Variants in MYO6 observed in about 807,000 individuals in gnomAD.
MYO6 encodes myosin VI.
MYO6 carries 74 observed loss-of-function variants against 178.7 expected under a neutral mutation model. That is an observed-to-expected ratio of 0.41 (90% CI 0.34 to 0.50). The LOEUF (loss-of-function observed/expected upper bound fraction) is 0.50, where lower values mean the gene tolerates loss of function less well. MYO6 is among the 20% of genes least tolerant of loss of function. The pLI is 0.09. For missense variants in MYO6, 1,330 were observed against 1,547.4 expected, an observed-to-expected ratio of 0.86 and a Z score of 2.36; for synonymous variants, 477 against 504.6, an observed-to-expected ratio of 0.95 and a Z score of 0.73.
rs1255371228 is a variant in MYO6 at position 75,784,064 on chromosome 6, C to T, written c.-47-33437C>T. 2.6e-5 allele frequency among the ~76,000 whole-genome samples: 4 copies of T among 152,028 alleles called. 1 individual carries two copies. Among genetic ancestry groups the T allele is most frequent in the Admixed American group, 2.0e-4 (3 of 15,250 alleles). ...TCCGCTCCCTACAACCTGTGCTTCCCGGGTTCAAGTTATTCTCCTGCCTCA... is the reference window on the plus strand; with the variant it reads ...TCCGCTCCCTACAACCTGTGCTTCCTGGGTTCAAGTTATTCTCCTGCCTCA... On this transcript the variant is annotated intron_variant, in intron 1 of 34. Transcript: ENST00000369977.
intron 6 of MYO6, among the ~76,000 whole-genome samples, chr6:75,834,748 ATATG>A (rs75212918): frequency 0.23 from 34,471 of 151,946 alleles, 5,059 homozygotes; most frequent in Middle Eastern, 0.38. Flanking sequence ...CATTATGTAA[ATATG>A]TATGCTGTTC....
At chr6:75,875,888 T>C (rs1306915984) in intron 20 of MYO6, among the ~76,000 whole-genome samples, 1 of 152,212 alleles carries the variant, frequency 6.6e-6, no homozygotes, top group Non-Finnish European at 1.5e-5. Flanking sequence ...ATCATGTCCT[T>C]TTACTGCTTA....
intron 1 of MYO6, among the ~76,000 whole-genome samples, chr6:75,808,363 C>T (rs1004270468): frequency 3.3e-5 from 5 of 152,244 alleles, no homozygotes; most frequent in South Asian, 2.1e-4. Flanking sequence ...TGCATGTACT[C>T]GGACAGAGAT....
chr6:75,779,544 TGCA>T (rs1425009152), intron 1 of MYO6, among the ~76,000 whole-genome samples: 1 of 152,142 alleles, frequency 6.6e-6, no homozygotes, highest in African/African-American at 2.4e-5. Flanking sequence ...TTTAAAAAAA[TGCA>T]TTTTGAGACA....
rs150338576 is a variant in MYO6 at position 75,804,879 on chromosome 6, T to TACAC, written c.-47-12612_-47-12609dup. On this transcript the variant is annotated intron_variant, in intron 1 of 34. Transcript: ENST00000369977. ...ACACATATATATGCGCATATATATA[T>TACAC]ACACACACACACATATATATACATA... Among the ~76,000 whole-genome samples, 41 of 146,820 alleles carry TACAC rather than the reference T, an allele frequency of 2.8e-4. 1 individual carries two copies. The highest frequency in any genetic ancestry group is 1.2e-3 in the Admixed American group (18 of 14,626).
chr6:75,879,026 G>A (rs1777793184), intron 20 of MYO6, among the ~76,000 whole-genome samples: 1 of 152,202 alleles, frequency 6.6e-6, no homozygotes, highest in African/African-American at 2.4e-5. Flanking sequence ...TCTTTATAGT[G>A]AAACAGTGAG....
chr6:75,759,272 C>T (rs1354871287), intron 1 of MYO6, among the ~76,000 whole-genome samples: 1 of 152,142 alleles, frequency 6.6e-6, no homozygotes, highest in Non-Finnish European at 1.5e-5. Context: ...CATTGTTAGT[C>T]ATATCAGGCA....
intron 1 of MYO6, among the ~76,000 whole-genome samples, chr6:75,810,540 CCCTT>C (rs1770596990): frequency 6.6e-6 from 1 of 152,120 alleles, no homozygotes; most frequent in Non-Finnish European, 1.5e-5. Context: ...TGTCTGACCT[CCCTT>C]CCTGTCTTGG....
rs140195934 is a variant in MYO6 at position 75,878,128 on chromosome 6, CAG to C, written c.2078-1690_2078-1689del. ...AATTAATATTGAAAATTCACAGTAA[CAG>C]AAATTAAATAGTACAGAATAATATA... On this transcript the variant is annotated intron_variant, in intron 20 of 34. Transcript: ENST00000369977. Among the ~76,000 whole-genome samples, 750 of 152,174 alleles carry C rather than the reference CAG, an allele frequency of 4.9e-3. 6 individuals are homozygous for C. The highest frequency in any genetic ancestry group is 0.017 in the African/African-American group (695 of 41,506).
intron 2 of MYO6, among the ~76,000 whole-genome samples, chr6:75,822,031 T>C (rs1379987032): frequency 1.3e-5 from 2 of 152,164 alleles, no homozygotes; most frequent in Non-Finnish European, 2.9e-5. Context: ...TAGCTATTAA[T>C]ATAACCCTCT....
intron 10 of MYO6, among the ~76,000 whole-genome samples, chr6:75,846,653 A>T (rs1045086686): frequency 2.6e-5 from 4 of 152,138 alleles, no homozygotes; most frequent in African/African-American, 9.7e-5. Flanking sequence ...TTTTTCTGAG[A>T]TATCAAAATA....
intron 33 of MYO6, 67 bp downstream of exon 33, chr6:75,911,765 A>G (rs1780771671): frequency 3.4e-6 from 5 of 1,457,596 alleles, no homozygotes; most frequent in Non-Finnish European, 4.8e-6. Flanking sequence ...CAAAGTACTA[A>G]CTTCTATTAA....
chr6:75,791,027 G>C (rs1442314370), intron 1 of MYO6, among the ~76,000 whole-genome samples: 1 of 152,070 alleles, frequency 6.6e-6, no homozygotes, highest in Non-Finnish European at 1.5e-5. Flanking sequence ...TCCGCCTCCC[G>C]AGTTCATGCC....
At chr6:75,775,722 C>T (rs979990715) in intron 1 of MYO6, among the ~76,000 whole-genome samples, 3 of 152,116 alleles carry the variant, frequency 2.0e-5, no homozygotes, top group African/African-American at 4.8e-5. Flanking sequence ...TATTGTTTAA[C>T]AATTCTGATG....
chr6:75,783,400 C>T (rs925261032), intron 1 of MYO6, among the ~76,000 whole-genome samples: 11 of 152,160 alleles, frequency 7.2e-5, no homozygotes, highest in South Asian at 4.1e-4. Flanking sequence ...GAAATTAGGA[C>T]GTCGAAGTAG....
At chr6:75,759,435 G>T (rs1051703301) in intron 1 of MYO6, among the ~76,000 whole-genome samples, 3 of 152,202 alleles carry the variant, frequency 2.0e-5, no homozygotes, top group African/African-American at 7.2e-5. Context: ...CAGAAAGCTG[G>T]CATTGTAGAG....
chr6:75,875,757 A>T (rs1157900459), intron 20 of MYO6, among the ~76,000 whole-genome samples: 1 of 152,202 alleles, frequency 6.6e-6, no homozygotes, highest in Non-Finnish European at 1.5e-5. Flanking sequence ...GATAGTCTCT[A>T]ATCCAAGCTG....
intron 10 of MYO6, 35 bp downstream of exon 10, chr6:75,845,012 TAAA>T (rs755326528): frequency 2.6e-6 from 4 of 1,510,270 alleles, no homozygotes; most frequent in Non-Finnish European, 3.7e-6. Context: ...ATCTTTAACT[TAAA>T]AAAAAACTCA....
intron 1 of MYO6, among the ~76,000 whole-genome samples, chr6:75,804,899 TAC>T (rs1349978759): frequency 6.8e-6 from 1 of 147,542 alleles, no homozygotes; most frequent in East Asian, 2.0e-4. Flanking sequence ...CACATATATA[TAC>T]ATATATACAC....
Sources: gnomAD v4.1 joint callset for allele counts (sites outside exome capture counted in the v4.1 genomes callset) on GRCh38, gnomAD v4.1.1 for gene constraint, MANE v1.5 for transcripts, NCBI Gene and HGNC (gene_info 2026-07-23, HGNC 2026-07-21) for gene names.